The following SCML4 variants were observed in gnomAD, a reference collection of about 807,000 sequenced individuals.
The protein encoded by SCML4 is sex comb on midleg-like protein 4.
A neutral mutation model predicts 41.1 loss-of-function variants in SCML4; 34 were observed. The observed-to-expected ratio is 0.83, with a 90% CI of 0.63 to 1.10. SCML4 has a LOEUF of 1.10. Ranked by LOEUF, SCML4 falls within the 50% of genes least tolerant of loss-of-function variation. The probability of loss-of-function intolerance (pLI) is 0.00; values close to 1 mark genes in which losing one functional copy is unlikely to be tolerated. For synonymous variants in SCML4, 214 were observed against 220.9 expected (o/e 0.97, Z 0.28); for missense variants, 522 against 534.1 (o/e 0.98, Z 0.22).
chr6:107,842,572 A>G, the SCML4 span, among the ~76,000 whole-genome samples: 1 of 152,096 alleles, frequency 6.6e-6, no homozygotes, highest in Non-Finnish European at 1.5e-5. Context: ...TAATTTTTCT[A>G]TTTTGAGATG....
rs1773290107 is a variant in SCML4, at chr6:107,702,826, CT to C, written c.*2373del. On this transcript the variant is annotated 3_prime_UTR_variant, in exon 8 of 8. Coordinates refer to ENST00000369020, the MANE Select transcript of SCML4 (RefSeq NM_198081.5). Reference sequence around the variant, plus strand: ...AGAGCAACTCCATCTTGAATGGGAGCTGGGTAAAATGAGGCTGAGACCTACT... The same window carrying C: ...AGAGCAACTCCATCTTGAATGGGAGCGGGTAAAATGAGGCTGAGACCTACT... Among the ~76,000 whole-genome samples, 1 of 152,188 alleles carries C rather than the reference CT, an allele frequency of 6.6e-6. No homozygotes were observed. The highest frequency in any genetic ancestry group is 2.4e-5 in the African/African-American group (1 of 41,440).
At position 107,802,885 on chromosome 6, in the gene SCML4, A is replaced by T. The variant is rs554849158; in HGVS notation, c.-60+21241T>A. Among the ~76,000 whole-genome samples the T allele has an allele frequency of 6.4e-4, 98 of 151,964 alleles. 1 individual carries two copies. The South Asian group carries it at 1.0e-2, about 15-fold the overall frequency. On this transcript the variant is annotated intron_variant, in intron 1 of 7. Transcript: ENST00000369020. ...CAGCCTGCCGAGTGCCTGCGATTGC[A>T]GTCGCGCGCCGCCACGCCTGACTGG... is the stretch of plus-strand genomic sequence containing the variant.
the SCML4 span, among the ~76,000 whole-genome samples, chr6:107,836,899 C>T: frequency 1.3e-5 from 2 of 152,272 alleles, no homozygotes; most frequent in African/African-American, 2.4e-5. Context: ...CAGTCATCCC[C>T]GCCGATGTCA....
At chr6:107,813,393 T>TATATAA (rs1784328283) in intron 1 of SCML4, among the ~76,000 whole-genome samples, 1 of 44,150 alleles carries the variant, frequency 2.3e-5, no homozygotes, top group African/African-American at 8.7e-5. Flanking sequence ...TATATATATA[T>TATATAA]ATATATATAT....
At chr6:107,723,883 A>G (rs535054335) in intron 5 of SCML4, among the ~76,000 whole-genome samples, 1 of 152,326 alleles carries the variant, frequency 6.6e-6, no homozygotes, top group East Asian at 1.9e-4. Context: ...AATATCTGGT[A>G]TTCATATGAA....
At chr6:107,741,296 T>A (rs890077593) in intron 5 of SCML4, among the ~76,000 whole-genome samples, 4 of 151,998 alleles carry the variant, frequency 2.6e-5, no homozygotes, top group African/African-American at 9.7e-5. Context: ...CACGTTCAAG[T>A]CCCTCCCTCC....
At chr6:107,810,085 CTGG>C (rs1170849142) in intron 1 of SCML4, among the ~76,000 whole-genome samples, 1 of 152,144 alleles carries the variant, frequency 6.6e-6, no homozygotes, top group Non-Finnish European at 1.5e-5. Context: ...GAGAAGAGCC[CTGG>C]TGCTGGCCAC....
At chr6:107,801,142 G>A (rs1405858271) in intron 1 of SCML4, among the ~76,000 whole-genome samples, 1 of 152,146 alleles carries the variant, frequency 6.6e-6, no homozygotes, top group African/African-American at 2.4e-5. Flanking sequence ...CTGAACCAGA[G>A]GGTCCTTCAG....
chr6:107,839,333 GAGAGAGAA>G, the SCML4 span, among the ~76,000 whole-genome samples: 2 of 34,810 alleles, frequency 5.7e-5, no homozygotes, highest in African/African-American at 1.4e-4. Context: ...GAAAGAAAGA[GAGAGAGAA>G]AAAGAAAGAA....
intron 6 of SCML4, 130 bp downstream of exon 6, chr6:107,720,573 G>A: frequency 2.8e-6 from 4 of 1,432,538 alleles, no homozygotes; most frequent in Non-Finnish European, 3.6e-6. Context: ...GAAAGGACTT[G>A]TGGAAATTTC....
At chr6:107,831,167 G>A in the SCML4 span, among the ~76,000 whole-genome samples, 1 of 151,948 alleles carries the variant, frequency 6.6e-6, no homozygotes, top group Non-Finnish European at 1.5e-5. Context: ...TGAGGGGAGG[G>A]GGACACAGAG....
At chr6:107,772,452 C>CCA in intron 1 of SCML4, 66 bp from the exon 2 acceptor site, 1 of 947,356 alleles carries the variant, frequency 1.1e-6, no homozygotes, top group Non-Finnish European at 1.5e-6. Flanking sequence ...GCAAGGCAAA[C>CCA]ATGATCCTGT....
intron 1 of SCML4, among the ~76,000 whole-genome samples, chr6:107,787,042 A>G (rs1315635369): frequency 6.6e-6 from 1 of 152,246 alleles, no homozygotes; most frequent in Admixed American, 6.5e-5. Flanking sequence ...AGCTCTCTGC[A>G]TAACTCCCTA....
chr6:107,804,632 TAGC>T (rs5878940), intron 1 of SCML4, among the ~76,000 whole-genome samples: 140,986 of 152,102 alleles, frequency 0.93, 66,161 homozygotes, highest in Non-Finnish European at 1. Flanking sequence ...CATCTTCTCC[TAGC>T]AGCAGAGAAT....
upstream of SCML4, among the ~76,000 whole-genome samples, chr6:107,825,011 G>C (rs540641693): frequency 1.2e-4 from 18 of 152,324 alleles, no homozygotes; most frequent in Admixed American, 3.3e-4. Context: ...GTGTGTGTGT[G>C]TAAGCATCTC....
At chr6:107,796,811 C>T (rs1034698773) in intron 1 of SCML4, among the ~76,000 whole-genome samples, 2 of 152,014 alleles carry the variant, frequency 1.3e-5, no homozygotes, top group African/African-American at 4.8e-5. Context: ...TGTTGTTGTA[C>T]TTATCACATT....
intron 1 of SCML4, among the ~76,000 whole-genome samples, chr6:107,807,373 G>A (rs561539938): frequency 6.6e-6 from 1 of 152,086 alleles, no homozygotes; most frequent in African/African-American, 2.4e-5. Context: ...CCCTCCCCCA[G>A]GTCCCTTCCT....
Position 107,817,783 on chromosome 6 carries a change from T to C in SCML4, c.-60+6343A>G, listed in dbSNP as rs546347817. ...AAGAAAGAACCAATCCTCTATACCA[T>C]CATATCATTGGCCCCCACACATTCT... On this transcript the variant is annotated intron_variant, in intron 1 of 7. Transcript: ENST00000369020. Among the ~76,000 whole-genome samples, 16 of 152,200 alleles carry C rather than the reference T, an allele frequency of 1.1e-4. No homozygotes were observed. In the South Asian group the frequency reaches 3.1e-3, roughly 30 times the overall value.
intron 2 of SCML4, among the ~76,000 whole-genome samples, chr6:107,768,097 C>CAAAAAAAA (rs766357180): frequency 2.2e-5 from 1 of 45,660 alleles, no homozygotes. Context: ...TTCATCTGTA[C>CAAAAAAAA]AAAAAAAAAA....
Sources: gnomAD v4.1 joint callset for allele counts (sites outside exome capture counted in the v4.1 genomes callset) on GRCh38, gnomAD v4.1.1 for gene constraint, MANE v1.5 for transcripts, NCBI Gene and HGNC (gene_info 2026-07-23, HGNC 2026-07-21) for gene names.